NOTUM: variants seen among roughly 807,000 people sequenced by gnomAD.
The protein encoded by NOTUM is palmitoleoyl-protein carboxylesterase NOTUM.
NOTUM carries 36 observed loss-of-function variants against 65.5 expected under a neutral mutation model. The ratio of observed to expected loss-of-function variants is 0.55; its 90% CI spans 0.42 to 0.73. The LOEUF (loss-of-function observed/expected upper bound fraction) is 0.73, where lower values mean the gene tolerates loss of function less well. NOTUM is among the 30% of genes least tolerant of loss of function. The pLI is 0.00. For missense variants in NOTUM, 659 were observed against 694.2 expected (o/e 0.95, Z 0.57); for synonymous variants, 356 against 297.9 (o/e 1.20, Z -2.01).
At position 81,959,820 on chromosome 17, in the gene NOTUM, C is replaced by A. The variant is rs889732497; in HGVS notation, c.324-128G>T. On this transcript the variant is annotated intron_variant, in intron 1 of 10. Coordinates refer to ENST00000409678, the MANE Select transcript of NOTUM (RefSeq NM_178493.6). ...CGCGCGACGGTCGCACGGGGGCGCC[C>A]TCGGCCAGGCCCACGGGGAGCTCAG... 1.6e-5 allele frequency: 6 copies of A among 375,242 alleles called. No homozygotes were observed. In the Admixed American group the frequency reaches 3.0e-4, roughly 19 times the overall value. 23.2% of individuals were successfully genotyped at this position (375,242 alleles called of 1,614,324 possible).
At position 81,960,614 on chromosome 17, in the gene NOTUM, A is replaced by G; in HGVS notation, c.296T>C (p.Val99Ala). 1 of 1,522,898 alleles carries G rather than the reference A, an allele frequency of 6.6e-7. No homozygotes were observed. The highest frequency in any genetic ancestry group is 8.9e-7 in the Non-Finnish European group (1 of 1,125,312). The allele number at this position is 1,522,898 out of a possible 1,614,324, so 94.3% of individuals were successfully genotyped here. A position where few individuals can be genotyped will look rare whatever the true frequency, so the allele number is the denominator to read the frequency against. Residue 99 changes from valine to alanine, a missense_variant, in exon 1 of 11, where the codon GTG (valine) becomes GCG (alanine). Coordinates refer to ENST00000409678, the MANE Select transcript of NOTUM (RefSeq NM_178493.6). This position sits in a 1 kb window ranked among gnomAD's most constrained non-coding sequence, Gnocchi z 6.4. The stretch of plus-strand genomic sequence containing the variant: ...GGCGGGGCTGCCGTCGTTGCAGGTC[A>G]CCGAGGTGTTGAGTAGGAGGTGCAG... ...LRLHLLLNTS[V>A]TCNDGSPAGY... is the part of the protein sequence containing the mutation.
At chr17:81,959,227 T>C (rs2143948177) in intron 3 of NOTUM, 3 of 612,092 alleles carry the variant, frequency 4.9e-6, no homozygotes, top group Non-Finnish European at 8.7e-6. Flanking sequence ...GGTCTGACCT[T>C]GACTTCAACC....
At chr17:81,953,906 G>A (rs932663796) in intron 10 of NOTUM, among the ~76,000 whole-genome samples, 26 of 151,442 alleles carry the variant, frequency 1.7e-4, no homozygotes, top group Non-Finnish European at 1.6e-4. Context: ...CTCAGCCTCC[G>A]GAGTAGCTGG....
intron 3 of NOTUM, 95 bp downstream of exon 3, chr17:81,959,376 G>A (rs1049890358): frequency 2.1e-6 from 2 of 962,594 alleles, no homozygotes; most frequent in African/African-American, 1.6e-5. Flanking sequence ...TGGGCATGAT[G>A]TGCGGGGTGG....
Position 81,952,924 on chromosome 17 carries a change from G to T in NOTUM, c.*37C>A, listed in dbSNP as rs1567936874. ...GTGGCACTGGGGCAGCGGGTGTCTG[G>T]GCCCCTCAGTGCCGGCTCCTCCTCC... On this transcript the variant is annotated 3_prime_UTR_variant, in exon 11 of 11. Transcript: ENST00000409678. The T allele has an allele frequency of 3.2e-6, 5 of 1,586,230 alleles. No individual in the cohort carries two copies. The highest frequency in any genetic ancestry group is 3.3e-4 in the Middle Eastern group (2 of 5,998).
At chr17:81,957,207 C>T (rs2041440266) in intron 6 of NOTUM, 133 bp from the exon 7 acceptor site, 2 of 717,688 alleles carry the variant, frequency 2.8e-6, no homozygotes, top group Admixed American at 2.9e-5. Flanking sequence ...ATGCATTCTG[C>T]ATTCTCTGTT....
chr17:81,953,794 T>A (rs1162697737), intron 10 of NOTUM, among the ~76,000 whole-genome samples: 1 of 151,798 alleles, frequency 6.6e-6, no homozygotes, highest in East Asian at 1.9e-4. Context: ...TTCTTTTTTT[T>A]TTGAGATGGA....
chr17:81,955,836 A>C lies in NOTUM; in HGVS notation c.989-292T>G, dbSNP rs1168918984. Among the ~76,000 whole-genome samples the C allele has an allele frequency of 1.8e-4, 3 of 16,958 alleles. No individual in the cohort carries two copies. The Admixed American group carries it at 2.4e-3, about 14-fold the overall frequency. The allele number at this position is 16,958 out of a possible 152,430, so 11.1% of individuals were successfully genotyped here. A position where few individuals can be genotyped will look rare whatever the true frequency, so the allele number is the denominator to read the frequency against. On this transcript the variant is annotated intron_variant, in intron 8 of 10. Coordinates refer to ENST00000409678, the MANE Select transcript of NOTUM (RefSeq NM_178493.6). ...AGGCCCCTGCAGTGCCCCCCATCCC[A>C]GGCTCAGAGCTCAGCACCCCCCAGG...
intron 9 of NOTUM, 37 bp downstream of exon 9, chr17:81,955,360 C>G (rs972221858): frequency 1.3e-6 from 2 of 1,509,564 alleles, no homozygotes; most frequent in African/African-American, 2.8e-5. Flanking sequence ...AAGGAGGGAG[C>G]TACCCGGCGT....
chr17:81,953,047 G>A lies in NOTUM; in HGVS notation c.1405C>T (p.His469Tyr), dbSNP rs138480462. 1 of 1,613,876 alleles carries A rather than the reference G, an allele frequency of 6.2e-7. No individual in the cohort carries two copies. The highest frequency in any genetic ancestry group is 8.5e-7 in the Non-Finnish European group (1 of 1,179,800). Residue 469 changes from histidine (H) to tyrosine (Y), a missense_variant, in exon 11 of 11, where the codon CAC (histidine) becomes TAC (tyrosine). Physicochemically the swap from His to Tyr is moderately conservative, Grantham distance 83. Transcript: ENST00000409678. ...QEMNVAQFLM[H>Y]MGFDMQTVAQ... ...ACCGTCTGCATGTCGAAGCCCATGT[G>A]CATGAGGAACTGGGCCACGTTCATC...
At chr17:81,957,733 A>C (rs1598368500) in intron 6 of NOTUM, 73 bp downstream of exon 6, 2 of 1,058,348 alleles carry the variant, frequency 1.9e-6, no homozygotes, top group Non-Finnish European at 1.4e-6. Flanking sequence ...ATACAACCCC[A>C]CCCCACACCC....
At chr17:81,958,759 C>T (rs2041452035) in intron 4 of NOTUM, among the ~76,000 whole-genome samples, 176 bp downstream of exon 4, 1 of 152,076 alleles carries the variant, frequency 6.6e-6, no homozygotes, top group Admixed American at 6.5e-5. Context: ...GGACCTCCTC[C>T]CCACCACGAA....
At position 81,952,865 on chromosome 17, in the gene NOTUM, G is replaced by A. The variant is rs951473259; in HGVS notation, c.*96C>T. The A allele has an allele frequency of 2.5e-5, 29 of 1,142,850 alleles. No homozygotes were observed. The highest frequency in any genetic ancestry group is 4.6e-4 in the Middle Eastern group (2 of 4,384). 70.8% of individuals were successfully genotyped at this position (1,142,850 alleles called of 1,614,324 possible). A position where few individuals can be genotyped will look rare whatever the true frequency, so the allele number is the denominator to read the frequency against. On this transcript the variant is annotated 3_prime_UTR_variant, in exon 11 of 11. Coordinates refer to ENST00000409678, the MANE Select transcript of NOTUM (RefSeq NM_178493.6). Reference sequence around the variant, plus strand: ...GGGGGGACGGCTGGGGCCCTGTCCCGAAGAGACGGGAGGGCCTGCTGGTGG... The same window carrying A: ...GGGGGGACGGCTGGGGCCCTGTCCCAAAGAGACGGGAGGGCCTGCTGGTGG...
chr17:81,956,800 C>A, intron 7 of NOTUM, 50 bp from the exon 8 acceptor site: 1 of 1,589,222 alleles, frequency 6.3e-7, no homozygotes, highest in East Asian at 2.2e-5. Context: ...TCCCCCGGGG[C>A]TCCCCACCCA....
chr17:81,960,616 C>T lies in NOTUM; in HGVS notation c.294G>A (p.Ser98=), dbSNP rs77028189. Reference sequence around the variant, plus strand: ...CGGGGCTGCCGTCGTTGCAGGTCACCGAGGTGTTGAGTAGGAGGTGCAGGC... The same window carrying T: ...CGGGGCTGCCGTCGTTGCAGGTCACTGAGGTGTTGAGTAGGAGGTGCAGGC... ...DLRLHLLLNT[S]VTCNDGSPAG... The change falls in exon 1 of 11, where the codon TCG becomes TCA. Residue 98 remains serine (S), a synonymous_variant. Transcript: ENST00000409678. This position sits in a 1 kb window ranked among gnomAD's most constrained non-coding sequence, Gnocchi z 6.4. 1.8e-4 allele frequency: 273 copies of T among 1,526,182 alleles called. No homozygotes were observed. The highest frequency in any genetic ancestry group is 2.0e-4 in the Non-Finnish European group (224 of 1,127,556). 94.5% of individuals were successfully genotyped at this position (1,526,182 alleles called of 1,614,324 possible). A position where few individuals can be genotyped will look rare whatever the true frequency, so the allele number is the denominator to read the frequency against.
Position 81,959,696 on chromosome 17 carries a change from C to CG in NOTUM, c.324-5dup, listed in dbSNP as rs534679133. 1.4e-3 allele frequency: 1,978 copies of CG among 1,463,288 alleles called. 13 individuals are homozygous for CG. The highest frequency in any genetic ancestry group is 0.013 in the African/African-American group (890 of 67,744). 90.6% of individuals were successfully genotyped at this position (1,463,288 alleles called of 1,614,324 possible). A position where few individuals can be genotyped will look rare whatever the true frequency, so the allele number is the denominator to read the frequency against. ...CCTGGACTCCTTCAGGTAGTAGCTG[C>CG]GGGGGAGGACGCACCGCGGGGGGTC... On this transcript the variant is annotated splice_region_variant and splice_polypyrimidine_tract_variant and intron_variant, in intron 1 of 10. Transcript: ENST00000409678.
chr17:81,957,111 G>A (rs564084591), intron 6 of NOTUM, 37 bp from the exon 7 acceptor site: 7 of 1,553,160 alleles, frequency 4.5e-6, no homozygotes, highest in Non-Finnish European at 6.1e-6. Context: ...AGGTGGCTGG[G>A]AAGAGGCACT....
rs747253837 is a variant in NOTUM, at chr17:81,960,182, C to T, written c.323+405G>A. 3.4e-4 allele frequency among the ~76,000 whole-genome samples: 52 copies of T among 152,150 alleles called. No homozygotes were observed. The highest frequency in any genetic ancestry group is 5.3e-4 in the Non-Finnish European group (36 of 68,006). On this transcript the variant is annotated intron_variant, in intron 1 of 10. Coordinates refer to ENST00000409678, the MANE Select transcript of NOTUM (RefSeq NM_178493.6). This position sits in a 1 kb window ranked among gnomAD's most constrained non-coding sequence, Gnocchi z 6.4. ...GGCCTGTTGAGCGCGTGGGCGGCCC[C>T]GCCGCTCCCCGACCCCCGACCTCAC...
Position 81,953,147 on chromosome 17 carries a change from G to C in NOTUM, c.1305C>G (p.His435Gln), listed in dbSNP as rs767701844. The change falls in exon 11 of 11, where the codon CAC (histidine) becomes CAG (glutamine). Residue 435 changes from histidine to glutamine, a missense_variant. Transcript: ENST00000409678. The part of the protein sequence containing the change: ...SKTPLKGCPV[H>Q]LVDSCPWPHC... ...GGGGCCAGGGGCAGCTGTCCACCAG[G>C]TGGACGGGGCAGCCCTTGAGGGGGG... 1.2e-6 allele frequency: 2 copies of C among 1,613,246 alleles called. No individual in the cohort carries two copies. Among genetic ancestry groups the C allele is most frequent in the Non-Finnish European group, 8.5e-7 (1 of 1,179,486 alleles).
Sources: allele counts gnomAD v4.1 joint callset (sites outside exome capture counted in the v4.1 genomes callset), GRCh38; gene constraint gnomAD v4.1.1; non-coding constraint Gnocchi (gnomAD v3.1); transcripts MANE v1.5; gene names NCBI Gene and HGNC (gene_info 2026-07-23, HGNC 2026-07-21).